GRM8: variants seen among roughly 807,000 people sequenced by gnomAD.
GRM8 encodes metabotropic glutamate receptor 8.
Under a neutral mutation model 87.2 loss-of-function variants are expected in GRM8, and 47 were observed. The observed-to-expected ratio is 0.54, with a 90% CI of 0.43 to 0.69. The LOEUF is 0.69. Ranked by LOEUF, GRM8 falls within the 30% of genes least tolerant of loss-of-function variation. The probability of loss-of-function intolerance (pLI) is 0.00; values close to 1 mark genes in which losing one functional copy is unlikely to be tolerated. For synonymous variants in GRM8, 396 were observed against 404.5 expected, an observed-to-expected ratio of 0.98 and a Z score of 0.25; for missense variants, 1,019 against 1,139.2, an observed-to-expected ratio of 0.89 and a Z score of 1.52.
At chr7:126,761,633 C>G (rs1817596928) in intron 7 of GRM8, among the ~76,000 whole-genome samples, 1 of 152,068 alleles carries the variant, frequency 6.6e-6, no homozygotes. Context: ...TTCCTTTTTC[C>G]CTGCTGTGTC....
intron 7 of GRM8, among the ~76,000 whole-genome samples, chr7:126,689,593 G>A (rs1474050860): frequency 6.6e-6 from 1 of 152,010 alleles, no homozygotes; most frequent in Admixed American, 6.5e-5. Context: ...TGTGTGTCAG[G>A]GGTGAGAAGG....
At chr7:127,246,860 T>C (rs542887743) in intron 1 of GRM8, among the ~76,000 whole-genome samples, 2 of 152,312 alleles carry the variant, frequency 1.3e-5, no homozygotes, top group Admixed American at 1.3e-4. Flanking sequence ...CATTAGCTCT[T>C]GTATAAATGA....
intron 3 of GRM8, among the ~76,000 whole-genome samples, chr7:126,999,914 T>C (rs1813555976): frequency 6.6e-6 from 1 of 151,880 alleles, no homozygotes; most frequent in Non-Finnish European, 1.5e-5. Flanking sequence ...GAAATCAGTA[T>C]ATCAAAGGGA....
intron 9 of GRM8, among the ~76,000 whole-genome samples, chr7:126,475,104 C>T (rs1805749980): frequency 6.6e-6 from 1 of 151,910 alleles, no homozygotes; most frequent in African/African-American, 2.4e-5. Context: ...CATTTCTATT[C>T]AACATAGTAT....
chr7:126,499,836 A>G (rs1389007722), intron 9 of GRM8, among the ~76,000 whole-genome samples: 2 of 151,902 alleles, frequency 1.3e-5, no homozygotes, highest in Non-Finnish European at 2.9e-5. Flanking sequence ...TTGGTCAATT[A>G]GATTGGAGAC....
intron 2 of GRM8, among the ~76,000 whole-genome samples, chr7:127,181,983 GAT>G (rs1205014342): frequency 1.3e-5 from 2 of 151,706 alleles, no homozygotes; most frequent in African/African-American, 4.8e-5. Flanking sequence ...TAAAAACAAA[GAT>G]AAATAGCTAG....
intron 6 of GRM8, among the ~76,000 whole-genome samples, chr7:126,860,509 A>G (rs1417358907): frequency 6.6e-6 from 1 of 152,200 alleles, no homozygotes; most frequent in African/African-American, 2.4e-5. Context: ...CTTGCAATAT[A>G]GATATATTTG....
intron 3 of GRM8, among the ~76,000 whole-genome samples, chr7:127,016,979 C>T (rs903017096): frequency 7.9e-5 from 12 of 151,896 alleles, no homozygotes; most frequent in Non-Finnish European, 1.2e-4. Context: ...GAAAAATGCC[C>T]ATCTTGATTA....
chr7:126,561,199 G>A (rs147741947), intron 8 of GRM8, among the ~76,000 whole-genome samples: 10 of 152,256 alleles, frequency 6.6e-5, no homozygotes, highest in East Asian at 3.9e-4. Context: ...TAGGCCAGGC[G>A]CAGTGGCTCA....
At chr7:126,683,866 A>G (rs1014264371) in intron 7 of GRM8, among the ~76,000 whole-genome samples, 5 of 152,170 alleles carry the variant, frequency 3.3e-5, no homozygotes, top group Non-Finnish European at 7.3e-5. Flanking sequence ...GGCTCCCAGG[A>G]GAGAATGAAT....
chr7:127,042,550 G>C (rs1287371839), intron 3 of GRM8, among the ~76,000 whole-genome samples: 1 of 152,200 alleles, frequency 6.6e-6, no homozygotes, highest in African/African-American at 2.4e-5. Flanking sequence ...TGGGAAAACT[G>C]GCTAGCCATA....
chr7:126,802,152 C>A (rs539570943), intron 6 of GRM8, among the ~76,000 whole-genome samples: 1 of 152,122 alleles, frequency 6.6e-6, no homozygotes, highest in Non-Finnish European at 1.5e-5. Flanking sequence ...TTCACACATG[C>A]GTTACCTCAC....
Position 126,685,989 on chromosome 7 carries a change from A to G in GRM8, c.1358-76491T>C, listed in dbSNP as rs1184701726. 1.3e-5 allele frequency among the ~76,000 whole-genome samples: 2 copies of G among 150,946 alleles called. No individual in the cohort carries two copies. Among genetic ancestry groups the G allele is most frequent in the Non-Finnish European group, 2.9e-5 (2 of 67,816 alleles). On this transcript the variant is annotated intron_variant, in intron 7 of 10. Coordinates refer to ENST00000339582, the MANE Select transcript of GRM8 (RefSeq NM_000845.3). This position sits in a 1 kb window ranked among gnomAD's most constrained non-coding sequence, Gnocchi z 4.2. ...TTCCTCCCCTCTGAGGCCCATAAAAACCCCCAGACTCAGCCAGACTCAAGC... is the reference window on the plus strand; with the variant it reads ...TTCCTCCCCTCTGAGGCCCATAAAAGCCCCCAGACTCAGCCAGACTCAAGC...
At chr7:127,026,161 G>C (rs183029232) in intron 3 of GRM8, among the ~76,000 whole-genome samples, 1 of 151,962 alleles carries the variant, frequency 6.6e-6, no homozygotes, top group African/African-American at 2.4e-5. Flanking sequence ...ATCCATGTCC[G>C]TGCAAAGGAC....
intron 6 of GRM8, among the ~76,000 whole-genome samples, chr7:126,895,435 G>A (rs1466581028): frequency 6.6e-6 from 1 of 152,058 alleles, no homozygotes; most frequent in Non-Finnish European, 1.5e-5. Flanking sequence ...CATCAGAAAT[G>A]CAGAATGCCT....
intron 6 of GRM8, among the ~76,000 whole-genome samples, chr7:126,785,624 C>T (rs1249693708): frequency 2.6e-5 from 4 of 151,932 alleles, no homozygotes; most frequent in African/African-American, 7.3e-5. Context: ...CCAGGTCTTT[C>T]GCTTCTTTAT....
chr7:127,211,478 C>T (rs552773092), intron 2 of GRM8, among the ~76,000 whole-genome samples: 61 of 152,184 alleles, frequency 4.0e-4, no homozygotes, highest in Non-Finnish European at 8.1e-4. Context: ...TCTGCCTCTC[C>T]CAGTCCACTG....
intron 2 of GRM8, among the ~76,000 whole-genome samples, chr7:127,167,538 CTG>C (rs1417365258): frequency 2.0e-5 from 3 of 152,080 alleles, no homozygotes; most frequent in Non-Finnish European, 4.4e-5. Context: ...ACTTGTGTCT[CTG>C]TGTCGCATTT....
chr7:127,236,572 G>A (rs191743728), intron 2 of GRM8, among the ~76,000 whole-genome samples: 5 of 152,228 alleles, frequency 3.3e-5, no homozygotes, highest in Admixed American at 1.3e-4. Context: ...AGAACAGCAT[G>A]GAGAAAACCA....
Sources: gnomAD v4.1 joint callset for allele counts (sites outside exome capture counted in the v4.1 genomes callset) on GRCh38, gnomAD v4.1.1 for gene constraint, Gnocchi (gnomAD v3.1) non-coding constraint, MANE v1.5 for transcripts, NCBI Gene and HGNC (gene_info 2026-07-23, HGNC 2026-07-21) for gene names.